The following EZR variants were observed in gnomAD, a reference collection of about 807,000 sequenced individuals.
The protein encoded by EZR is ezrin, also known as cytovillin 2.
A neutral mutation model predicts 74.8 loss-of-function variants in EZR; 40 were observed. The observed-to-expected ratio is 0.53, with a 90% confidence interval of 0.42 to 0.70. The LOEUF is 0.70. Among genes scored for constraint, EZR ranks in the 30% least tolerant of loss-of-function variants. The probability of loss-of-function intolerance (pLI) is 0.00; values close to 1 mark genes in which losing one functional copy is unlikely to be tolerated. For missense variants in EZR, 678 were observed against 755.8 expected (o/e 0.90, Z 1.21); for synonymous variants, 341 against 283.3 (o/e 1.20, Z -2.05).
intron 2 of EZR, among the ~76,000 whole-genome samples, chr6:158,796,493 G>A (rs557861513): frequency 2.6e-5 from 4 of 152,328 alleles, no homozygotes; most frequent in South Asian, 4.1e-4. Context: ...TGAGTGGCTG[G>A]AGACCATTTA....
chr6:158,812,791 C>T (rs2128577265), intron 2 of EZR, among the ~76,000 whole-genome samples: 1 of 152,300 alleles, frequency 6.6e-6, no homozygotes, highest in East Asian at 1.9e-4. Flanking sequence ...GATGGCACCA[C>T]CACACATCCA....
intron 7 of EZR, among the ~76,000 whole-genome samples, chr6:158,778,433 G>C (rs1791340980): frequency 6.6e-6 from 1 of 152,206 alleles, no homozygotes; most frequent in Non-Finnish European, 1.5e-5. Context: ...GGTTAAACAT[G>C]AAAATTATGA....
chr6:158,770,632 T>A (rs1270188778), intron 10 of EZR, 132 bp downstream of exon 10: 1 of 992,454 alleles, frequency 1.0e-6, no homozygotes, highest in African/African-American at 1.6e-5. Context: ...CATTTTATCA[T>A]TTCGGCTGTG....
intron 12 of EZR, 133 bp from the exon 13 acceptor site, chr6:158,767,645 A>G (rs1790938392): frequency 2.2e-6 from 2 of 910,932 alleles, no homozygotes; most frequent in South Asian, 4.0e-5. Flanking sequence ...GTGGCTTCGA[A>G]GAGGAGCACC....
At chr6:158,793,539 C>T (rs1457158162) in intron 2 of EZR, among the ~76,000 whole-genome samples, 8 of 152,266 alleles carry the variant, frequency 5.3e-5, no homozygotes, top group Non-Finnish European at 7.4e-5. Flanking sequence ...AAGGGCATGT[C>T]TGTTACTTGA....
intron 2 of EZR, among the ~76,000 whole-genome samples, chr6:158,814,330 C>CA (rs1275434353): frequency 6.6e-6 from 1 of 152,090 alleles, no homozygotes; most frequent in African/African-American, 2.4e-5. Flanking sequence ...CTTCTCAATA[C>CA]AGTCTGCCAA....
At chr6:158,799,802 G>A (rs994271963) in intron 2 of EZR, among the ~76,000 whole-genome samples, 7 of 152,320 alleles carry the variant, frequency 4.6e-5, no homozygotes, top group African/African-American at 1.4e-4. Flanking sequence ...TTGTCTGTAG[G>A]TTTTTTTAAA....
chr6:158,818,027 C>G, intron 2 of EZR, 55 bp downstream of exon 2: 1 of 1,579,426 alleles, frequency 6.3e-7, no homozygotes, highest in Middle Eastern at 1.7e-4. Flanking sequence ...GCAGGTGCCT[C>G]CCCTCTCCAA....
intron 6 of EZR, 70 bp downstream of exon 6, chr6:158,784,574 G>T: frequency 7.4e-7 from 1 of 1,356,122 alleles, no homozygotes; most frequent in Non-Finnish European, 1.1e-6. Flanking sequence ...GCACTAACTA[G>T]AGTCACAGGA....
intron 6 of EZR, 87 bp from the exon 7 acceptor site, chr6:158,783,753 G>A (rs1383840471): frequency 6.9e-7 from 1 of 1,457,610 alleles, no homozygotes; most frequent in East Asian, 2.3e-5. Flanking sequence ...TTAAATTAAG[G>A]CGCCTTGTGT....
chr6:158,781,586 G>C (rs1791433518), intron 7 of EZR, among the ~76,000 whole-genome samples: 2 of 152,206 alleles, frequency 1.3e-5, no homozygotes, highest in Non-Finnish European at 2.9e-5. Flanking sequence ...CCCTGGCCTG[G>C]CCACGTTACA....
intron 2 of EZR, among the ~76,000 whole-genome samples, chr6:158,804,590 AAAGT>A (rs1562505125): frequency 1.3e-5 from 2 of 152,186 alleles, no homozygotes; most frequent in African/African-American, 2.4e-5. Flanking sequence ...CACATAAACA[AAAGT>A]AAGGGACAAG....
Position 158,776,413 on chromosome 6 carries a change from CCTT to C in EZR, c.787_789del (p.Lys263del). ...TAGAATCCTTTGGAACTTACAGGTG[CCTT>C]CTTGTCGATGGGTTTAATGACAAAC... is the stretch of plus-strand genomic sequence containing the variant. On this transcript the variant is annotated inframe_deletion, in exon 8 of 14. Transcript: ENST00000367075. 1 of 1,612,914 alleles carries C rather than the reference CCTT, an allele frequency of 6.2e-7. No individual in the cohort carries two copies. Among genetic ancestry groups the C allele is most frequent in the East Asian group, 2.2e-5 (1 of 44,874 alleles).
chr6:158,802,757 C>T (rs933223933), intron 2 of EZR, among the ~76,000 whole-genome samples: 1 of 152,220 alleles, frequency 6.6e-6, no homozygotes, highest in African/African-American at 2.4e-5. Context: ...GTCTCGATCT[C>T]CTGACCTCGT....
chr6:158,818,547 G>C (rs1421579210), intron 1 of EZR, among the ~76,000 whole-genome samples: 1 of 150,148 alleles, frequency 6.7e-6, no homozygotes, highest in Non-Finnish European at 1.5e-5. Flanking sequence ...GGGGAGGATC[G>C]GGGGGAGGGG....
chr6:158,818,189 A>G, intron 1 of EZR, 23 bp from the exon 2 acceptor site: 1 of 1,375,444 alleles, frequency 7.3e-7, no homozygotes, highest in Middle Eastern at 1.9e-4. Context: ...CAGAACCCTT[A>G]GAGCGCCCGC....
chr6:158,785,371 C>T lies in EZR; in HGVS notation c.405G>A (p.Gly135=), dbSNP rs1426842522. The T allele has an allele frequency of 6.2e-7, 1 of 1,614,186 alleles. No individual in the cohort carries two copies. The highest frequency in any genetic ancestry group is 1.7e-5 in the Admixed American group (1 of 60,028). The change falls in exon 5 of 14, where the codon GGG becomes GGA. Residue 135 remains glycine, a synonymous_variant. Coordinates refer to ENST00000367075, the MANE Select transcript of EZR (RefSeq NM_001111077.2). ...ACTTGTGCACTTCTTTGTTGTAGTC[C>T]CCAAACTTGGCCTGCACAGCGTAGG... ...LGSYAVQAKF[G]DYNKEVHKSG... is the part of the protein sequence containing the mutation.
intron 8 of EZR, among the ~76,000 whole-genome samples, chr6:158,773,755 G>C (rs897202232): frequency 6.6e-6 from 1 of 152,234 alleles, no homozygotes; most frequent in African/African-American, 2.4e-5. Flanking sequence ...TGGGGGAAGC[G>C]TCCGAGGAGT....
At chr6:158,784,853 G>C (rs1445099019) in intron 5 of EZR, 126 bp from the exon 6 acceptor site, 6 of 745,996 alleles carry the variant, frequency 8.0e-6, no homozygotes, top group African/African-American at 3.5e-5. Flanking sequence ...AAAGAGCTTT[G>C]GTTTCTATTT....
Sources: gnomAD v4.1 joint callset for allele counts (sites outside exome capture counted in the v4.1 genomes callset) on GRCh38, gnomAD v4.1.1 for gene constraint, MANE v1.5 for transcripts, NCBI Gene and HGNC (gene_info 2026-07-23, HGNC 2026-07-21) for gene names.